Variants in PXDNL observed in about 807,000 individuals in gnomAD.
PXDNL encodes peroxidasin like, also known as probable oxidoreductase PXDNL.
PXDNL carries 145 observed loss-of-function variants against 150.8 expected under a neutral mutation model. That is an observed-to-expected ratio of 0.96 (90% CI 0.84 to 1.10). PXDNL has a LOEUF of 1.10. Among genes scored for constraint, PXDNL ranks in the 50% least tolerant of loss-of-function variants. PXDNL has a pLI of 0.00. For synonymous variants in PXDNL, 757 were observed against 725.7 expected (o/e 1.04, Z -0.69); for missense variants, 2,087 against 1,873.9 (o/e 1.11, Z -2.10).
intron 12 of PXDNL, chr8:51,436,189 C>G (rs1284092846): frequency 1.9e-6 from 1 of 521,774 alleles, no homozygotes; most frequent in East Asian, 5.4e-5. Context: ...GTGGTATCAT[C>G]CCAAAAGCCA....
chr8:51,589,663 G>T (rs1374051635), intron 3 of PXDNL, among the ~76,000 whole-genome samples: 1 of 152,168 alleles, frequency 6.6e-6, no homozygotes, highest in Non-Finnish European at 1.5e-5. Context: ...GAACTTAAGG[G>T]TGATTAACTA....
chr8:51,452,908 GCA>G (rs1325939804), intron 10 of PXDNL, among the ~76,000 whole-genome samples: 1 of 39,512 alleles, frequency 2.5e-5, no homozygotes, highest in Non-Finnish European at 5.6e-5. Context: ...AGGCACACAT[GCA>G]CACACACACA....
chr8:51,735,526 GTTTTTTTTTTTTTTTTTTTTTTTTT>G (rs777986365), intron 1 of PXDNL, among the ~76,000 whole-genome samples: 3 of 41,060 alleles, frequency 7.3e-5, no homozygotes, highest in African/African-American at 1.5e-4. Flanking sequence ...ATTAAAAATT[GTTTTTTTTTTTTTTTTTTTTTTTTT>G]TTTTTTTTTT....
intron 19 of PXDNL, among the ~76,000 whole-genome samples, chr8:51,359,057 A>G (rs1214121951): frequency 1.3e-5 from 2 of 152,146 alleles, no homozygotes; most frequent in East Asian, 3.9e-4. Flanking sequence ...TTCCTGCTTT[A>G]GCCTACGGGA....
chr8:51,603,178 A>C (rs186934357), intron 2 of PXDNL, among the ~76,000 whole-genome samples: 1,722 of 151,784 alleles, frequency 0.011, 15 homozygotes, highest in South Asian at 0.026. Flanking sequence ...ATTGTTTTTT[A>C]ATATTTTACT....
At chr8:51,509,025 C>G (rs1474712070) in intron 4 of PXDNL, among the ~76,000 whole-genome samples, 1 of 152,196 alleles carries the variant, frequency 6.6e-6, no homozygotes, top group Non-Finnish European at 1.5e-5. Context: ...AGCCACACCA[C>G]TTCTGGCCTA....
intron 4 of PXDNL, among the ~76,000 whole-genome samples, chr8:51,514,310 A>G (rs1811487676): frequency 6.6e-6 from 1 of 152,204 alleles, no homozygotes; most frequent in Non-Finnish European, 1.5e-5. Flanking sequence ...AAAAAAGACT[A>G]TATTGTTTCA....
intron 1 of PXDNL, among the ~76,000 whole-genome samples, chr8:51,738,560 C>A (rs532383673): frequency 1.3e-5 from 2 of 152,034 alleles, no homozygotes; most frequent in East Asian, 3.9e-4. Flanking sequence ...TGGAAACACA[C>A]GCACACACAC....
At chr8:51,557,507 A>G (rs1812623784) in intron 3 of PXDNL, among the ~76,000 whole-genome samples, 1 of 152,162 alleles carries the variant, frequency 6.6e-6, no homozygotes, top group South Asian at 2.1e-4. Flanking sequence ...CTTCAACCAT[A>G]GGTTAGTAAG....
chr8:51,735,071 G>A (rs1454381709), intron 1 of PXDNL, among the ~76,000 whole-genome samples: 4 of 152,146 alleles, frequency 2.6e-5, no homozygotes. Context: ...AAAAAGATAA[G>A]TATGTGAGAT....
In PXDNL at chr8:51,423,665, C is replaced by A; in HGVS notation, c.1705G>T (p.Asp569Tyr). Reference protein sequence around the residue: ...VDDEGTLTIYDAGFPDQGRYE... With the variant: ...VDDEGTLTIYYAGFPDQGRYE... ...CTTCCCTGGTCAGGGAACCCTGCGT[C>A]GTAGATAGTCAGCGTGCCTTCATCA... Residue 569 changes from aspartate to tyrosine, a missense_variant, in exon 14 of 23, where the codon GAC becomes TAC. Coordinates refer to ENST00000356297, the MANE Select transcript of PXDNL (RefSeq NM_144651.5). 1.2e-6 allele frequency: 2 copies of A among 1,613,854 alleles called. No homozygotes were observed. Among genetic ancestry groups the A allele is most frequent in the Non-Finnish European group, 1.7e-6 (2 of 1,179,806 alleles).
intron 1 of PXDNL, among the ~76,000 whole-genome samples, chr8:51,744,356 AAAG>A (rs1159571835): frequency 6.6e-6 from 1 of 151,284 alleles, no homozygotes; most frequent in East Asian, 2.0e-4. Flanking sequence ...GAGAGAAAGA[AAAG>A]AGAGAGAAAG....
chr8:51,642,100 A>G (rs10958288), intron 2 of PXDNL, among the ~76,000 whole-genome samples: 59,321 of 151,578 alleles, frequency 0.39, 14,362 homozygotes, highest in African/African-American at 0.69. Context: ...GTAAACTATC[A>G]CAAGAACAAA....
intron 1 of PXDNL, among the ~76,000 whole-genome samples, chr8:51,787,459 A>G (rs986496295): frequency 1.3e-5 from 2 of 152,224 alleles, no homozygotes; most frequent in African/African-American, 4.8e-5. Context: ...TTGGAAGTGC[A>G]TTTTAACCCT....
At chr8:51,458,772 AG>A (rs1276026496) in intron 8 of PXDNL, among the ~76,000 whole-genome samples, 1 of 152,266 alleles carries the variant, frequency 6.6e-6, no homozygotes, top group East Asian at 1.9e-4. Flanking sequence ...TTTGTTAAAG[AG>A]ATGAATAAAT....
At chr8:51,715,336 G>A (rs1816592337) in intron 1 of PXDNL, among the ~76,000 whole-genome samples, 1 of 152,170 alleles carries the variant, frequency 6.6e-6, no homozygotes. Flanking sequence ...AACAGAGAGG[G>A]TGAGAGATTG....
chr8:51,719,640 A>T (rs939963657), intron 1 of PXDNL, among the ~76,000 whole-genome samples: 4 of 137,656 alleles, frequency 2.9e-5, no homozygotes, highest in Admixed American at 7.5e-5. Context: ...TGATCAATTT[A>T]AAAAAAAAAA....
chr8:51,703,853 T>C (rs923319834), intron 1 of PXDNL, among the ~76,000 whole-genome samples: 4 of 152,236 alleles, frequency 2.6e-5, no homozygotes, highest in Non-Finnish European at 4.4e-5. Context: ...TCTTGGACAA[T>C]TAATTTAGAA....
At chr8:51,570,366 G>A (rs959384193) in intron 3 of PXDNL, among the ~76,000 whole-genome samples, 2 of 151,820 alleles carry the variant, frequency 1.3e-5, no homozygotes, top group South Asian at 2.1e-4. Context: ...CATTAGGTTC[G>A]TCTTAGTCAG....
Sources: gnomAD v4.1 joint callset for allele counts (sites outside exome capture counted in the v4.1 genomes callset) on GRCh38, gnomAD v4.1.1 for gene constraint, MANE v1.5 for transcripts, NCBI Gene and HGNC (gene_info 2026-07-23, HGNC 2026-07-21) for gene names.